The following KCNH1 variants were observed in gnomAD, a reference collection of about 807,000 sequenced individuals.
The protein encoded by KCNH1 is potassium voltage-gated channel subfamily H member 1.
KCNH1 carries 27 observed loss-of-function variants against 69.2 expected under a neutral mutation model. The observed-to-expected ratio is 0.39, with a 90% CI of 0.29 to 0.54. KCNH1 has a LOEUF of 0.54. Ranked by LOEUF, KCNH1 falls within the 20% of genes least tolerant of loss-of-function variation. KCNH1 has a pLI of 0.68. For synonymous variants in KCNH1, 456 were observed against 487.7 expected (o/e 0.93, Z 0.86); for missense variants, 798 against 1,261.6 (o/e 0.63, Z 5.57).
chr1:211,008,523 T>C (rs1689328062), intron 6 of KCNH1, among the ~76,000 whole-genome samples: 1 of 152,234 alleles, frequency 6.6e-6, no homozygotes, highest in Non-Finnish European at 1.5e-5. Flanking sequence ...CTCAATATGG[T>C]TGAGGCTTAC....
chr1:210,962,521 T>G (rs780131517), intron 6 of KCNH1, among the ~76,000 whole-genome samples: 1 of 152,082 alleles, frequency 6.6e-6, no homozygotes, highest in Non-Finnish European at 1.5e-5. Flanking sequence ...TCCCCTGGGT[T>G]TTATTTAATT....
At chr1:210,909,403 C>A (rs1459225187) in intron 7 of KCNH1, among the ~76,000 whole-genome samples, 2 of 152,184 alleles carry the variant, frequency 1.3e-5, no homozygotes, top group Non-Finnish European at 2.9e-5. Flanking sequence ...ACAACACACA[C>A]AAGGGGTAGT....
chr1:210,814,915 G>A (rs1684781643), intron 7 of KCNH1, among the ~76,000 whole-genome samples: 1 of 152,084 alleles, frequency 6.6e-6, no homozygotes, highest in Non-Finnish European at 1.5e-5. Context: ...AATTTTGGTG[G>A]AGTCACTTCA....
chr1:211,115,701 C>CTATATATATA lies in KCNH1; in HGVS notation c.80-8334_80-8325dup, dbSNP rs201384583. Among the ~76,000 whole-genome samples the CTATATATATA allele has an allele frequency of 6.1e-3, 432 of 70,628 alleles. 41 individuals carry two copies. The highest frequency in any genetic ancestry group is 9.6e-3 in the Non-Finnish European group (350 of 36,400). 46.3% of individuals were successfully genotyped at this position (70,628 alleles called of 152,430 possible). On this transcript the variant is annotated intron_variant, in intron 1 of 10. Coordinates refer to ENST00000271751, the MANE Select transcript of KCNH1 (RefSeq NM_172362.3). Reference sequence around the variant, plus strand: ...GTAAGTTAATACTTAATAAACTCCCCTATATATATATATATGTATATATAT... The same window carrying CTATATATATA: ...GTAAGTTAATACTTAATAAACTCCCCTATATATATATATATATATATATATGTATATATAT...
chr1:211,126,687 CAAAAAAAA>C (rs71571980), intron 1 of KCNH1, among the ~76,000 whole-genome samples: 2 of 64,952 alleles, frequency 3.1e-5, no homozygotes, highest in Middle Eastern at 0.01. Flanking sequence ...TATAATATCT[CAAAAAAAA>C]AAAAAAAAAA....
intron 5 of KCNH1, among the ~76,000 whole-genome samples, chr1:211,082,524 G>T (rs565939765): frequency 1.2e-4 from 18 of 152,274 alleles, no homozygotes; most frequent in African/African-American, 3.9e-4. Flanking sequence ...TCATAAAAGT[G>T]ATTTGACACT....
chr1:210,976,113 G>C (rs1256803339), intron 6 of KCNH1, among the ~76,000 whole-genome samples: 2 of 152,178 alleles, frequency 1.3e-5, no homozygotes, highest in Non-Finnish European at 2.9e-5. Context: ...AGGTGCTGGA[G>C]AGGATATGGA....
chr1:211,118,967 C>T (rs759198886), intron 1 of KCNH1, among the ~76,000 whole-genome samples: 4 of 152,172 alleles, frequency 2.6e-5, no homozygotes, highest in Non-Finnish European at 4.4e-5. Flanking sequence ...TCACAATACA[C>T]GTCTAATAAC....
At chr1:210,923,475 G>A (rs963836052) in intron 6 of KCNH1, among the ~76,000 whole-genome samples, 9 of 152,138 alleles carry the variant, frequency 5.9e-5, no homozygotes, top group African/African-American at 2.2e-4. Flanking sequence ...CACAATCCAT[G>A]CAATTACTAC....
In KCNH1 at chr1:211,101,393, C is replaced by G. The variant is rs567023471; in HGVS notation, c.310+2103G>C. 7.2e-5 allele frequency among the ~76,000 whole-genome samples: 11 copies of G among 152,312 alleles called. No homozygotes were observed. The South Asian group carries it at 2.3e-3, about 32-fold the overall frequency. ...AATAAGTTCAAGTTTCTTAATTCCTCAAGAGAGGGTGGGATTTGGAGGTAG... is the reference window on the plus strand; with the variant it reads ...AATAAGTTCAAGTTTCTTAATTCCTGAAGAGAGGGTGGGATTTGGAGGTAG... On this transcript the variant is annotated intron_variant, in intron 3 of 10. Coordinates refer to ENST00000271751, the MANE Select transcript of KCNH1 (RefSeq NM_172362.3).
intron 10 of KCNH1, among the ~76,000 whole-genome samples, chr1:210,687,848 C>T (rs1681438829): frequency 6.6e-6 from 1 of 152,184 alleles, no homozygotes; most frequent in Non-Finnish European, 1.5e-5. Flanking sequence ...AGCTCTCCGT[C>T]TGCTTGGAGA....
At chr1:211,112,086 T>C (rs1691478232) in intron 1 of KCNH1, among the ~76,000 whole-genome samples, 1 of 143,476 alleles carries the variant, frequency 7.0e-6, no homozygotes, top group Non-Finnish European at 1.5e-5. Context: ...GCCGCTGTAC[T>C]GTCTGGGAAG....
At chr1:211,085,755 A>G (rs1041963812) in intron 4 of KCNH1, among the ~76,000 whole-genome samples, 4 of 152,206 alleles carry the variant, frequency 2.6e-5, no homozygotes, top group Non-Finnish European at 5.9e-5. Context: ...GAAAGATAAT[A>G]TGTACAATTT....
chr1:210,958,214 T>C (rs560742987), intron 6 of KCNH1, among the ~76,000 whole-genome samples: 16 of 152,270 alleles, frequency 1.1e-4, no homozygotes, highest in Admixed American at 9.2e-4. Context: ...TGAAAATTCT[T>C]TTAAGAATGT....
intron 10 of KCNH1, among the ~76,000 whole-genome samples, chr1:210,712,757 C>A (rs1431369197): frequency 6.6e-6 from 1 of 150,438 alleles, no homozygotes; most frequent in Non-Finnish European, 1.5e-5. Flanking sequence ...CCCTTGCATT[C>A]CTGTTATAAG....
chr1:210,860,913 C>A, intron 7 of KCNH1: 1 of 942,020 alleles, frequency 1.1e-6, no homozygotes, highest in Non-Finnish European at 1.8e-6. Context: ...GATTCTGCAA[C>A]ATGTATTCCA....
chr1:210,926,862 T>C (rs1250635334), intron 6 of KCNH1, among the ~76,000 whole-genome samples: 2 of 151,922 alleles, frequency 1.3e-5, no homozygotes, highest in Non-Finnish European at 2.9e-5. Flanking sequence ...ATAGATAGCA[T>C]AAATTAAAAA....
At chr1:210,808,409 C>T (rs1684631652) in intron 7 of KCNH1, among the ~76,000 whole-genome samples, 1 of 152,152 alleles carries the variant, frequency 6.6e-6, no homozygotes, top group Non-Finnish European at 1.5e-5. Context: ...CAGCTCAGGG[C>T]TGCTCTTGTT....
At chr1:210,958,758 A>C (rs1240835536) in intron 6 of KCNH1, among the ~76,000 whole-genome samples, 1 of 152,196 alleles carries the variant, frequency 6.6e-6, no homozygotes, top group African/African-American at 2.4e-5. Flanking sequence ...TTTCAACTCC[A>C]TCAGGTCATT....
Sources: allele counts gnomAD v4.1 joint callset (sites outside exome capture counted in the v4.1 genomes callset), GRCh38; gene constraint gnomAD v4.1.1; transcripts MANE v1.5; gene names NCBI Gene and HGNC (gene_info 2026-07-23, HGNC 2026-07-21).